UGT1A8: variants seen among roughly 807,000 people sequenced by gnomAD.
UGT1A8 encodes UDP glucuronosyltransferase family 1 member A8, also known as UDP-glucuronosyltransferase 1A8.
In UGT1A8, 39 loss-of-function variants were observed where a neutral mutation model predicts 45.3. That is an observed-to-expected ratio of 0.86 (90% confidence interval 0.67 to 1.12). The LOEUF is 1.12. Ranked by LOEUF, UGT1A8 falls within the 50% of genes most tolerant of loss-of-function variation. The probability of loss-of-function intolerance (pLI) is 0.00; values close to 1 mark genes in which losing one functional copy is unlikely to be tolerated. For missense variants in UGT1A8, 719 were observed against 664.9 expected, an observed-to-expected ratio of 1.08 and a Z score of -0.90; for synonymous variants, 275 against 249.2, an observed-to-expected ratio of 1.10 and a Z score of -0.97.
chr2:233,703,941 A>G (rs2075759906), intron 1 of UGT1A8, among the ~76,000 whole-genome samples: 1 of 151,570 alleles, frequency 6.6e-6, no homozygotes, highest in African/African-American at 2.4e-5. Context: ...CCCAGACTGG[A>G]GTGCAGTGGT....
chr2:233,644,746 G>A lies in UGT1A8; in HGVS notation c.855+26184G>A, dbSNP rs72984479. ...CACACCGCCACTGTGGGTTCAGGGG[G>A]TTGGGTGACATAGGAGATGCAGAAC... On this transcript the variant is annotated intron_variant, in intron 1 of 4. Coordinates refer to ENST00000373450, the MANE Select transcript of UGT1A8 (RefSeq NM_019076.5). Among the ~76,000 whole-genome samples the A allele has an allele frequency of 2.6e-3, 402 of 152,186 alleles. 1 individual carries two copies. The highest frequency in any genetic ancestry group is 4.5e-3 in the Non-Finnish European group (309 of 67,994).
At chr2:233,768,122 G>A in intron 3 of UGT1A8, 98 bp from the exon 4 acceptor site, 1 of 1,602,552 alleles carries the variant, frequency 6.2e-7, no homozygotes, top group Non-Finnish European at 8.5e-7. Flanking sequence ...GGGCATGTGA[G>A]TAACACTGAG....
intron 1 of UGT1A8, among the ~76,000 whole-genome samples, chr2:233,700,393 A>AT (rs2075560829): frequency 6.6e-6 from 1 of 152,184 alleles, no homozygotes; most frequent in South Asian, 2.1e-4. Flanking sequence ...CATGTGGAAC[A>AT]TTTTGGCAGC....
chr2:233,630,735 T>A (rs28969975), intron 1 of UGT1A8, among the ~76,000 whole-genome samples: 37,251 of 151,588 alleles, frequency 0.25, 5,027 homozygotes, highest in East Asian at 0.52. Flanking sequence ...TTTTAATTTT[T>A]ATTTTTATTT....
intron 1 of UGT1A8, chr2:233,756,080 A>T (rs1179999635): frequency 6.6e-6 from 1 of 152,234 alleles, no homozygotes; most frequent in African/African-American, 2.4e-5. Flanking sequence ...GACAATGAGA[A>T]AATCAAGTAA....
intron 1 of UGT1A8, among the ~76,000 whole-genome samples, chr2:233,646,765 TC>T (rs1375544859): frequency 6.6e-6 from 1 of 152,320 alleles, no homozygotes; most frequent in African/African-American, 2.4e-5. Flanking sequence ...TCTAGGGAGT[TC>T]CAAACTTTCC....
intron 1 of UGT1A8, chr2:233,754,294 G>C (rs556479810): frequency 4.3e-4 from 102 of 236,002 alleles, no homozygotes; most frequent in African/African-American, 2.0e-3. Flanking sequence ...TTCTGTCCTA[G>C]CACTAGGAAA....
rs566307965 is a variant in UGT1A8, at chr2:233,630,275, G to A, written c.855+11713G>A. On this transcript the variant is annotated intron_variant, in intron 1 of 4. Coordinates refer to ENST00000373450, the MANE Select transcript of UGT1A8 (RefSeq NM_019076.5). ...CAAAAGAAAAGGTGACTAAGCAAAT[G>A]TCTAGTACCAGTTAGGGTGTCCCGA... 2.6e-5 allele frequency among the ~76,000 whole-genome samples: 4 copies of A among 152,190 alleles called. No homozygotes were observed. The South Asian group carries it at 8.3e-4, about 32-fold the overall frequency.
chr2:233,647,518 G>A (rs572177154), intron 1 of UGT1A8, among the ~76,000 whole-genome samples: 12 of 152,276 alleles, frequency 7.9e-5, no homozygotes, highest in Non-Finnish European at 1.2e-4. Context: ...GAACTTTACC[G>A]TTTTGTTTGT....
At chr2:233,643,042 A>AC (rs1174226330) in intron 1 of UGT1A8, among the ~76,000 whole-genome samples, 7 of 152,132 alleles carry the variant, frequency 4.6e-5, no homozygotes, top group Non-Finnish European at 7.4e-5. Flanking sequence ...GCCTGCTGTA[A>AC]CCACCTCCTG....
At chr2:233,670,543 T>A (rs1461913027) in intron 1 of UGT1A8, among the ~76,000 whole-genome samples, 3 of 151,826 alleles carry the variant, frequency 2.0e-5, no homozygotes, top group Admixed American at 2.0e-4. Context: ...AGGAATTTGT[T>A]TTCTGGCATG....
intron 1 of UGT1A8, among the ~76,000 whole-genome samples, chr2:233,714,873 C>T (rs1233346677): frequency 6.8e-6 from 1 of 147,574 alleles, no homozygotes; most frequent in South Asian, 2.2e-4. Context: ...AAAATTCTAT[C>T]TTTTAAATTT....
rs35150625 is a variant in UGT1A8 at position 233,630,838 on chromosome 2, CT to C, written c.855+12289del. 9.7e-3 allele frequency among the ~76,000 whole-genome samples: 1,347 copies of C among 139,222 alleles called. 12 individuals carry two copies. The highest frequency in any genetic ancestry group is 0.029 in the African/African-American group (1,093 of 38,128). 91.3% of individuals were successfully genotyped at this position (139,222 alleles called of 152,430 possible). ...TTTTTTTTTTTCCTGCTCTAAAACTCTTTTTTTTTTTTTATACTTTAAGTTC... is the reference window on the plus strand; with the variant it reads ...TTTTTTTTTTTCCTGCTCTAAAACTCTTTTTTTTTTTTATACTTTAAGTTC... On this transcript the variant is annotated intron_variant, in intron 1 of 4. Coordinates refer to ENST00000373450, the MANE Select transcript of UGT1A8 (RefSeq NM_019076.5).
chr2:233,623,928 C>T (rs2073054041), intron 1 of UGT1A8, among the ~76,000 whole-genome samples: 1 of 152,164 alleles, frequency 6.6e-6, no homozygotes, highest in South Asian at 2.1e-4. Context: ...TCACCATGTG[C>T]ATCCACAGGG....
chr2:233,638,468 T>C (rs1339521967), intron 1 of UGT1A8, among the ~76,000 whole-genome samples: 1 of 152,240 alleles, frequency 6.6e-6, no homozygotes, highest in Non-Finnish European at 1.5e-5. Context: ...TTGTCTGATA[T>C]TTGTACTGCT....
chr2:233,647,334 A>G (rs537305829), intron 1 of UGT1A8, among the ~76,000 whole-genome samples: 38 of 152,272 alleles, frequency 2.5e-4, no homozygotes, highest in Admixed American at 5.2e-4. Flanking sequence ...GGTCATGAGG[A>G]TCTGTAGTTT....
chr2:233,653,660 G>A (rs1300352927), intron 1 of UGT1A8, among the ~76,000 whole-genome samples: 1 of 152,090 alleles, frequency 6.6e-6, no homozygotes, highest in Non-Finnish European at 1.5e-5. Context: ...GCAGTGGTGC[G>A]ATCTCAGCTT....
In UGT1A8 at chr2:233,617,704, T is replaced by C. The variant is rs2125446133; in HGVS notation, c.-4T>C. 6.2e-7 allele frequency: 1 copy of C among 1,609,622 alleles called. No individual in the cohort carries two copies. The highest frequency in any genetic ancestry group is 2.2e-5 in the East Asian group (1 of 44,814). Reference sequence around the variant, plus strand: ...CAGCTGCTGGCTCGGGCTGCAGTTCTCTCATGGCTCGCACAGGGTGGACCA... The same window carrying C: ...CAGCTGCTGGCTCGGGCTGCAGTTCCCTCATGGCTCGCACAGGGTGGACCA... On this transcript the variant is annotated 5_prime_UTR_variant, in exon 1 of 5. Coordinates refer to ENST00000373450, the MANE Select transcript of UGT1A8 (RefSeq NM_019076.5).
intron 1 of UGT1A8, among the ~76,000 whole-genome samples, chr2:233,737,806 C>A (rs575024235): frequency 6.6e-6 from 1 of 152,216 alleles, no homozygotes; most frequent in Non-Finnish European, 1.5e-5. Flanking sequence ...TCACTATCAT[C>A]TCAGTGGAGC....
Sources: allele counts gnomAD v4.1 joint callset (sites outside exome capture counted in the v4.1 genomes callset), GRCh38; gene constraint gnomAD v4.1.1; transcripts MANE v1.5; gene names NCBI Gene and HGNC (gene_info 2026-07-23, HGNC 2026-07-21).